The following CEP85L variants were observed in gnomAD, a reference collection of about 807,000 sequenced individuals.
CEP85L encodes centrosomal protein of 85 kDa-like.
A neutral mutation model predicts 100.3 loss-of-function variants in CEP85L; 60 were observed. That is an observed-to-expected ratio of 0.60 (90% CI 0.49 to 0.74). The LOEUF (loss-of-function observed/expected upper bound fraction) is 0.74. Ranked by LOEUF, CEP85L falls within the 30% of genes least tolerant of loss-of-function variation. CEP85L has a pLI of 0.00. For synonymous variants in CEP85L, 319 were observed against 322.7 expected, an observed-to-expected ratio of 0.99 and a Z score of 0.12; for missense variants, 973 against 936.2, an observed-to-expected ratio of 1.04 and a Z score of -0.51.
chr6:118,579,040 C>T (rs568309743), intron 2 of CEP85L, among the ~76,000 whole-genome samples: 4 of 152,174 alleles, frequency 2.6e-5, no homozygotes, highest in African/African-American at 9.6e-5. Context: ...GGACTACAGG[C>T]ATGTGCCACA....
rs55731051 is a variant in CEP85L at position 118,519,593 on chromosome 6, G to GGGGT, written c.1139+4208_1139+4209insACCC. On this transcript the variant is annotated intron_variant, in intron 4 of 12. Transcript: ENST00000368491. The stretch of plus-strand genomic sequence containing the variant: ...GTGTGTGTGTGTGTGGCGGGGGGGG[G>GGGGT]GTGTGAAACTCCGTCTCAAAAAAAC... 3.2e-3 allele frequency among the ~76,000 whole-genome samples: 178 copies of GGGGT among 55,144 alleles called. 26 individuals carry two copies. Among genetic ancestry groups the GGGGT allele is most frequent in the Middle Eastern group, 0.012 (1 of 82 alleles). 36.2% of individuals were successfully genotyped at this position (55,144 alleles called of 152,430 possible).
chr6:118,504,413 C>T (rs796278474), intron 5 of CEP85L, among the ~76,000 whole-genome samples: 30 of 151,912 alleles, frequency 2.0e-4, no homozygotes, highest in African/African-American at 6.3e-4. Flanking sequence ...CATAATGAAG[C>T]TTACATTTAA....
At chr6:118,548,579 G>A (rs1227232091) in intron 3 of CEP85L, among the ~76,000 whole-genome samples, 1 of 152,030 alleles carries the variant, frequency 6.6e-6, no homozygotes, top group Non-Finnish European at 1.5e-5. Context: ...CAGGAAAAAT[G>A]AGACAACTTT....
chr6:118,577,911 G>A (rs137990486), intron 2 of CEP85L, among the ~76,000 whole-genome samples: 1 of 152,060 alleles, frequency 6.6e-6, no homozygotes, highest in Non-Finnish European at 1.5e-5. Context: ...CCTTGTATTC[G>A]TGGATTAGTG....
At chr6:118,655,344 G>A (rs1213116942), upstream of CEP85L, among the ~76,000 whole-genome samples, 1 of 152,196 alleles carries the variant, frequency 6.6e-6, no homozygotes, top group Admixed American at 6.5e-5. Flanking sequence ...AGTGGGTGTG[G>A]GAGGGATAGA....
At position 118,467,109 on chromosome 6, in the gene CEP85L, T is replaced by G. The variant is rs540326887; in HGVS notation, c.2255-1541A>C. ...GTTCAGGGAGGGAAGGAAAGTGTGTTCTGGTTTTGAATGTGTAGAGTCTGT... is the reference window on the plus strand; with the variant it reads ...GTTCAGGGAGGGAAGGAAAGTGTGTGCTGGTTTTGAATGTGTAGAGTCTGT... On this transcript the variant is annotated intron_variant, in intron 12 of 12. Transcript: ENST00000368491. 6.1e-4 allele frequency among the ~76,000 whole-genome samples: 93 copies of G among 152,244 alleles called. 2 individuals carry two copies. In the South Asian group the frequency reaches 0.019, roughly 31 times the overall value.
At chr6:118,501,867 G>A (rs1775327792) in intron 5 of CEP85L, 7 of 1,291,846 alleles carry the variant, frequency 5.4e-6, no homozygotes, top group Non-Finnish European at 3.3e-6. Flanking sequence ...GCCTTCAAGA[G>A]TCCCAGCAAA....
chr6:118,652,609 G>A, upstream of CEP85L: 1 of 1,505,870 alleles, frequency 6.6e-7, no homozygotes, highest in Non-Finnish European at 8.9e-7. Context: ...CCTCATATTT[G>A]CATTTTTCCC....
At chr6:118,576,843 C>A (rs553890516) in intron 2 of CEP85L, among the ~76,000 whole-genome samples, 2 of 152,122 alleles carry the variant, frequency 1.3e-5, no homozygotes, top group Non-Finnish European at 2.9e-5. Context: ...CATTGAAACA[C>A]GGTACCAAGA....
chr6:118,646,904 C>A, intron 1 of CEP85L: 1 of 983,010 alleles, frequency 1.0e-6, no homozygotes, highest in Non-Finnish European at 1.2e-6. Context: ...GTTATCAACT[C>A]ACCATTTATT....
At chr6:118,589,569 C>T (rs571337654) in intron 2 of CEP85L, 11 of 259,896 alleles carry the variant, frequency 4.2e-5, no homozygotes, top group South Asian at 1.8e-4. Context: ...TCTGGACCCA[C>T]GGACTGCGAG....
At chr6:118,540,003 A>G (rs1777817475) in intron 3 of CEP85L, among the ~76,000 whole-genome samples, 2 of 151,760 alleles carry the variant, frequency 1.3e-5, no homozygotes, top group African/African-American at 2.4e-5. Flanking sequence ...AGCTCCCTGT[A>G]TATGTATAGG....
chr6:118,636,761 G>C (rs1437918618), intron 1 of CEP85L, among the ~76,000 whole-genome samples: 1 of 152,156 alleles, frequency 6.6e-6, no homozygotes. Flanking sequence ...CTACCTTCAA[G>C]CTTGAACTGA....
chr6:118,524,486 C>T (rs1337116794), intron 3 of CEP85L, among the ~76,000 whole-genome samples: 1 of 152,106 alleles, frequency 6.6e-6, no homozygotes, highest in Non-Finnish European at 1.5e-5. Flanking sequence ...ATCTTATTCC[C>T]ATTACCTTGT....
Position 118,491,761 on chromosome 6 carries a change from T to C in CEP85L, c.1362A>G (p.Glu454=). The C allele has an allele frequency of 6.2e-7, 1 of 1,613,286 alleles. No individual in the cohort carries two copies. Among genetic ancestry groups the C allele is most frequent in the South Asian group, 1.1e-5 (1 of 90,936 alleles). The change falls in exon 6 of 13, where the codon GAA becomes GAG. Residue 454 remains glutamate, a synonymous_variant. Transcript: ENST00000368491. ...TGAGAAACTCATTAAGCTGTAAAAC[T>C]TCTTTCTCAGTAGATGCAAGCTTTT... The part of the protein sequence containing the change: ...FEQKLASTEK[E]VLQLNEFLKQ...
chr6:118,637,862 C>A (rs1310485118), intron 1 of CEP85L, among the ~76,000 whole-genome samples: 1 of 151,732 alleles, frequency 6.6e-6, no homozygotes, highest in Non-Finnish European at 1.5e-5. Context: ...TCTAAATGGA[C>A]AAAGGACAAA....
chr6:118,614,067 T>C (rs1288544013), intron 2 of CEP85L, among the ~76,000 whole-genome samples: 1 of 152,150 alleles, frequency 6.6e-6, no homozygotes, highest in African/African-American at 2.4e-5. Context: ...AAAAAGTTCG[T>C]TAAACATTTT....
intron 1 of CEP85L, among the ~76,000 whole-genome samples, chr6:118,671,784 A>C (rs964231511): frequency 6.6e-6 from 1 of 152,120 alleles, no homozygotes; most frequent in African/African-American, 2.4e-5. Flanking sequence ...CTAAAAATAC[A>C]AAAATCAGTT....
chr6:118,509,999 T>C (rs1775876420), intron 5 of CEP85L, among the ~76,000 whole-genome samples: 1 of 152,088 alleles, frequency 6.6e-6, no homozygotes, highest in Non-Finnish European at 1.5e-5. Flanking sequence ...ACATTTCTAT[T>C]CATATGGCGT....
Sources: allele counts gnomAD v4.1 joint callset (sites outside exome capture counted in the v4.1 genomes callset), GRCh38; gene constraint gnomAD v4.1.1; transcripts MANE v1.5; gene names NCBI Gene and HGNC (gene_info 2026-07-23, HGNC 2026-07-21).